The following KLHL42 variants were observed in gnomAD, a reference collection of about 807,000 sequenced individuals.
KLHL42 encodes the protein kelch like family member 42, also known as kelch-like protein 42.
In KLHL42, 27 loss-of-function variants were observed where a neutral mutation model predicts 32.7. The ratio of observed to expected loss-of-function variants is 0.83; its 90% CI spans 0.61 to 1.14. The LOEUF is 1.14. Among genes scored for constraint, KLHL42 ranks in the 50% most tolerant of loss-of-function variants. The pLI is 0.00. For missense variants in KLHL42, 491 were observed against 560.8 expected, an observed-to-expected ratio of 0.88 and a Z score of 1.26; for synonymous variants, 267 against 248.2, an observed-to-expected ratio of 1.08 and a Z score of -0.71.
In KLHL42 at chr12:27,780,717, C is replaced by T; in HGVS notation, c.387C>T (p.Asn129=). ...TGCTGTCCCAGGTGCGGCTCAATAA[C>T]TGCCTGGAGATGTACCGCCTGGCGC... ...QLLLSQVRLN[N]CLEMYRLAQV... is the part of the protein sequence containing the mutation. The change falls in exon 1 of 3, where the codon AAC becomes AAT. Residue 129 remains asparagine (N), a synonymous_variant. Transcript: ENST00000381271. The surrounding 1 kb of genome is among the most constrained non-coding windows in gnomAD (Gnocchi z 8.8). The T allele has an allele frequency of 6.2e-7, 1 of 1,612,564 alleles. No homozygotes were observed. The highest frequency in any genetic ancestry group is 8.5e-7 in the Non-Finnish European group (1 of 1,179,430).
At chr12:27,792,519 GTTTA>G (rs1480089118) in intron 2 of KLHL42, among the ~76,000 whole-genome samples, 1 of 151,980 alleles carries the variant, frequency 6.6e-6, no homozygotes, top group African/African-American at 2.4e-5. Context: ...CTATTTATTT[GTTTA>G]TTTATTTATT....
intron 1 of KLHL42, among the ~76,000 whole-genome samples, chr12:27,788,867 C>T (rs1176118572): frequency 6.6e-6 from 1 of 152,158 alleles, no homozygotes; most frequent in Non-Finnish European, 1.5e-5. Context: ...TCTTGAAATT[C>T]TTCTTTTTAC....
intron 1 of KLHL42, among the ~76,000 whole-genome samples, chr12:27,790,238 T>C (rs1203020695): frequency 1.3e-5 from 2 of 152,228 alleles, no homozygotes; most frequent in Non-Finnish European, 2.9e-5. Context: ...AATGATAGTA[T>C]TTTATCTCTG....
chr12:27,793,548 A>T (rs1412943133), intron 2 of KLHL42, among the ~76,000 whole-genome samples: 5 of 140,758 alleles, frequency 3.6e-5, no homozygotes, highest in South Asian at 2.3e-4. Context: ...TCTCTAAAAT[A>T]AAAAAAAAAA....
intron 1 of KLHL42, among the ~76,000 whole-genome samples, chr12:27,783,748 AT>A (rs932877999): frequency 1.3e-5 from 2 of 150,522 alleles, no homozygotes; most frequent in African/African-American, 2.4e-5. Context: ...CACCCGGCTA[AT>A]TTTTTTTTGT....
intron 2 of KLHL42, 50 bp from the exon 3 acceptor site, chr12:27,797,665 C>T (rs1408693010): frequency 1.5e-6 from 1 of 670,590 alleles, no homozygotes; most frequent in African/African-American, 1.8e-5. Context: ...ACAGACTTGC[C>T]TAGTGGTGTT....
Position 27,780,990 on chromosome 12 carries a change from C to T in KLHL42, c.660C>T (p.Leu220=), listed in dbSNP as rs146472087. Residue 220 remains leucine, a synonymous_variant, in exon 1 of 3, where the codon CTC becomes CTT. Coordinates refer to ENST00000381271, the MANE Select transcript of KLHL42 (RefSeq NM_020782.2). The surrounding 1 kb of genome is among the most constrained non-coding windows in gnomAD (Gnocchi z 8.8). ...ACCAGGGGGAGCCCCCGTCCATGCT[C>T]AGGTACGAGGAGATGACTGAGCGTT... The part of the protein sequence containing the change: ...HPYQGEPPSM[L]RYEEMTERWF... The T allele has an allele frequency of 5.2e-3, 8,274 of 1,603,194 alleles. 45 individuals carry two copies. Among genetic ancestry groups the T allele is most frequent in the Non-Finnish European group, 6.4e-3 (7,512 of 1,172,530 alleles).
At chr12:27,787,494 CAAAAA>C (rs552199790) in intron 1 of KLHL42, 59 of 113,468 alleles carry the variant, frequency 5.2e-4, no homozygotes, top group Non-Finnish European at 8.1e-4. Flanking sequence ...GACTTTGTCT[CAAAAA>C]AAAAAAAAAA....
At position 27,800,530 on chromosome 12, in the gene KLHL42, G is replaced by T; in HGVS notation, c.*2364G>T. 1 of 255,242 alleles carries T rather than the reference G, an allele frequency of 3.9e-6. No homozygotes were observed. The highest frequency in any genetic ancestry group is 6.2e-6 in the Non-Finnish European group (1 of 162,316). The allele number at this position is 255,242 out of a possible 1,614,324, so 15.8% of individuals were successfully genotyped here. ...TCCTGCTGTGCACATCAGCTGTGAT[G>T]ACATTTTGAGGGTAGTTTTAATTTA... On this transcript the variant is annotated 3_prime_UTR_variant, in exon 3 of 3. Transcript: ENST00000381271.
intron 2 of KLHL42, among the ~76,000 whole-genome samples, chr12:27,792,367 TTC>T (rs1450753135): frequency 6.6e-6 from 1 of 152,150 alleles, no homozygotes; most frequent in African/African-American, 2.4e-5. Context: ...AGTTCTCATT[TTC>T]TCTCTTTGTG....
rs1220430606 is a variant in KLHL42 at position 27,797,924 on chromosome 12, C to T, written c.1276C>T (p.Arg426Cys). 1.5e-5 allele frequency: 12 copies of T among 780,998 alleles called. No individual in the cohort carries two copies. In the East Asian group the frequency reaches 2.7e-4, roughly 17 times the overall value. The allele number at this position is 780,998 out of a possible 1,614,324, so 48.4% of individuals were successfully genotyped here. Reference sequence around the variant, plus strand: ...CGTGCAGTCCTACAACACCGTCACCCGCCAGTGGCTCTACCTCAAGGAGAA... The same window carrying T: ...CGTGCAGTCCTACAACACCGTCACCTGCCAGTGGCTCTACCTCAAGGAGAA... ...LTVQSYNTVT[R>C]QWLYLKENTS... Residue 426 changes from arginine (R) to cysteine (C), a missense_variant, in exon 3 of 3, where the codon CGC becomes TGC. Physicochemically the swap from Arg to Cys is radical, Grantham distance 180. This residue lies in a region of KLHL42 where 152 missense variants were observed against 125.9 expected (regional missense o/e 1.21). Transcript: ENST00000381271.
rs1049918570 is a variant in KLHL42 at position 27,799,040 on chromosome 12, T to C, written c.*874T>C. 6.6e-6 allele frequency: 1 copy of C among 152,548 alleles called. No homozygotes were observed. Among genetic ancestry groups the C allele is most frequent in the African/African-American group, 2.4e-5 (1 of 41,408 alleles). The allele number at this position is 152,548 out of a possible 1,614,324, so 9.4% of individuals were successfully genotyped here. A position where few individuals can be genotyped will look rare whatever the true frequency, so the allele number is the denominator to read the frequency against. On this transcript the variant is annotated 3_prime_UTR_variant, in exon 3 of 3. Coordinates refer to ENST00000381271, the MANE Select transcript of KLHL42 (RefSeq NM_020782.2). ...TAAGAAAAAAATTTGCCTTTAAGAG[T>C]TACTTTTGTTGAATGTATTTGACTT...
rs763249165 is a variant in KLHL42, at chr12:27,780,992, G to T, written c.662G>T (p.Arg221Met). The change falls in exon 1 of 3, where the codon AGG (arginine) becomes ATG (methionine). Residue 221 changes from arginine (R) to methionine (M), a missense_variant. Arg to Met is a moderately conservative substitution (Grantham distance 91). Coordinates refer to ENST00000381271, the MANE Select transcript of KLHL42 (RefSeq NM_020782.2). This position sits in a 1 kb window ranked among gnomAD's most constrained non-coding sequence, Gnocchi z 8.8. ...CAGGGGGAGCCCCCGTCCATGCTCA[G>T]GTACGAGGAGATGACTGAGCGTTGG... ...PYQGEPPSML[R>M]YEEMTERWFP... 9 of 1,607,390 alleles carry T rather than the reference G, an allele frequency of 5.6e-6. No homozygotes were observed. Among genetic ancestry groups the T allele is most frequent in the East Asian group, 2.2e-5 (1 of 44,742 alleles).
intron 2 of KLHL42, among the ~76,000 whole-genome samples, chr12:27,792,819 G>A (rs1324161445): frequency 6.6e-6 from 1 of 151,950 alleles, no homozygotes; most frequent in South Asian, 2.1e-4. Flanking sequence ...CACCGTGCCC[G>A]GCCTGGTTCC....
At position 27,780,506 on chromosome 12, in the gene KLHL42, C is replaced by A; in HGVS notation, c.176C>A (p.Ala59Glu). 1.3e-6 allele frequency: 2 copies of A among 1,540,934 alleles called. No homozygotes were observed. Among genetic ancestry groups the A allele is most frequent in the Non-Finnish European group, 1.7e-6 (2 of 1,145,814 alleles). The change falls in exon 1 of 3, where the codon GCG (alanine) becomes GAG (glutamate). Residue 59 changes from alanine to glutamate, a missense_variant. Physicochemically the swap from Ala to Glu is moderately radical, Grantham distance 107. Transcript: ENST00000381271. This position sits in a 1 kb window ranked among gnomAD's most constrained non-coding sequence, Gnocchi z 8.8. The stretch of plus-strand genomic sequence containing the variant: ...GTGCAGCAGCTGCGCGGCCTCAGCG[C>A]GCCGGGCCTGCGGCTGGTGCTGGAC... ...PEVQQLRGLS[A>E]PGLRLVLDFI...
At position 27,800,176 on chromosome 12, in the gene KLHL42, T is replaced by C. The variant is rs2062238122; in HGVS notation, c.*2010T>C. The C allele has an allele frequency of 1.0e-6, 1 of 985,302 alleles. No individual in the cohort carries two copies. Among genetic ancestry groups the C allele is most frequent in the Non-Finnish European group, 1.2e-6 (1 of 829,932 alleles). The allele number at this position is 985,302 out of a possible 1,614,324, so 61.0% of individuals were successfully genotyped here. On this transcript the variant is annotated 3_prime_UTR_variant, in exon 3 of 3. Transcript: ENST00000381271. ...AAACAGTTGGAGATTAGTTTGCAAA[T>C]AAGCATATCATATCAAATACAATAT...
At position 27,784,258 on chromosome 12, in the gene KLHL42, C is replaced by T. The variant is rs1170309906; in HGVS notation, c.872+3056C>T. Reference sequence around the variant, plus strand: ...ACGCCATTCTCCTGCCTCAGTTTCCCGAGTAGCTGGGACTACAGGTGCCCG... The same window carrying T: ...ACGCCATTCTCCTGCCTCAGTTTCCTGAGTAGCTGGGACTACAGGTGCCCG... On this transcript the variant is annotated intron_variant, in intron 1 of 2. Transcript: ENST00000381271. Among the ~76,000 whole-genome samples, 8 of 151,294 alleles carry T rather than the reference C, an allele frequency of 5.3e-5. No homozygotes were observed. The East Asian group carries it at 9.7e-4, about 18-fold the overall frequency.
intron 1 of KLHL42, among the ~76,000 whole-genome samples, chr12:27,789,989 A>G (rs2062189152): frequency 6.6e-6 from 1 of 152,234 alleles, no homozygotes; most frequent in South Asian, 2.1e-4. Context: ...CCTAGTTTCC[A>G]TAGTGTAATG....
At chr12:27,790,617 A>T (rs2062192260) in intron 1 of KLHL42, among the ~76,000 whole-genome samples, 1 of 152,206 alleles carries the variant, frequency 6.6e-6, no homozygotes, top group South Asian at 2.1e-4. Flanking sequence ...GCAGCATTTA[A>T]TTATTTTCTG....
Sources: gnomAD v4.1 joint callset for allele counts (sites outside exome capture counted in the v4.1 genomes callset) on GRCh38, gnomAD v4.1.1 for gene constraint, gnomAD v4.1.1 regional missense constraint, Gnocchi (gnomAD v3.1) non-coding constraint, MANE v1.5 for transcripts, NCBI Gene and HGNC (gene_info 2026-07-23, HGNC 2026-07-21) for gene names.